The following AGMO variants were observed in gnomAD, a reference collection of about 807,000 sequenced individuals.
AGMO encodes the protein alkylglycerol monooxygenase, also known as glyceryl-ether monooxygenase.
Under a neutral mutation model 60.2 loss-of-function variants are expected in AGMO, and 75 were observed. That is an observed-to-expected ratio of 1.25 (90% CI 1.03 to 1.51). AGMO has a LOEUF of 1.51. Among genes scored for constraint, AGMO ranks in the 40% most tolerant of loss-of-function variants. The pLI is 0.00. For missense variants in AGMO, 763 were observed against 525.5 expected (o/e 1.45, Z -4.42); for synonymous variants, 261 against 177.1 (o/e 1.47, Z -3.76).
chr7:15,151,641 C>A, the AGMO span, among the ~76,000 whole-genome samples: 1 of 152,016 alleles, frequency 6.6e-6, no homozygotes, highest in Non-Finnish European at 1.5e-5. Context: ...GTGTTGATTT[C>A]TATTTTCATT....
rs550132170 is a variant in AGMO, at chr7:15,515,059, G to A, written c.409+29713C>T. Among the ~76,000 whole-genome samples, 232 of 152,300 alleles carry A rather than the reference G, an allele frequency of 1.5e-3. 1 individual carries two copies. The highest frequency in any genetic ancestry group is 5.1e-3 in the African/African-American group (211 of 41,566). On this transcript the variant is annotated intron_variant, in intron 3 of 12. Transcript: ENST00000342526. ...TTTTCTCTCACCAATTGTCTGTTTAGGCACGGGAGGAAGTTAAACCCTAGA... is the reference window on the plus strand; with the variant it reads ...TTTTCTCTCACCAATTGTCTGTTTAAGCACGGGAGGAAGTTAAACCCTAGA...
chr7:15,387,246 G>A (rs1783953339), intron 9 of AGMO, among the ~76,000 whole-genome samples, 160 bp downstream of exon 9: 1 of 152,176 alleles, frequency 6.6e-6, no homozygotes, highest in African/African-American at 2.4e-5. Context: ...GCACAAAGTT[G>A]GTGGATACTC....
intron 12 of AGMO, among the ~76,000 whole-genome samples, chr7:15,224,532 C>T (rs991877516): frequency 1.3e-5 from 2 of 151,996 alleles, no homozygotes; most frequent in Admixed American, 1.3e-4. Flanking sequence ...GGGTCTTGGA[C>T]TTTCCAGCCC....
intron 10 of AGMO, among the ~76,000 whole-genome samples, chr7:15,377,908 C>A (rs774124739): frequency 1.3e-5 from 2 of 151,954 alleles, no homozygotes; most frequent in Non-Finnish European, 2.9e-5. Flanking sequence ...GTGGTTCATG[C>A]CACAGTTATA....
the AGMO span, among the ~76,000 whole-genome samples, chr7:15,154,028 GATCA>G: frequency 2.6e-5 from 4 of 152,046 alleles, no homozygotes; most frequent in Admixed American, 6.6e-5. Flanking sequence ...GTCCTAGCCA[GATCA>G]ATCAAACAAG....
chr7:15,487,375 T>G (rs1782951302), intron 3 of AGMO, among the ~76,000 whole-genome samples: 1 of 152,076 alleles, frequency 6.6e-6, no homozygotes. Flanking sequence ...TATAACCTCC[T>G]TGTGCTGGCA....
chr7:15,191,426 A>C, the AGMO span, among the ~76,000 whole-genome samples: 1 of 152,302 alleles, frequency 6.6e-6, no homozygotes, highest in African/African-American at 2.4e-5. Context: ...ACTTCAGTCT[A>C]AGATGGGCCT....
At chr7:15,455,315 C>G (rs1781973413) in intron 3 of AGMO, among the ~76,000 whole-genome samples, 1 of 152,094 alleles carries the variant, frequency 6.6e-6, no homozygotes, top group Non-Finnish European at 1.5e-5. Context: ...TTCCCAAATT[C>G]TGCTGCAGAA....
chr7:15,360,193 A>C (rs888889118), intron 12 of AGMO, among the ~76,000 whole-genome samples: 5 of 152,236 alleles, frequency 3.3e-5, no homozygotes, highest in Non-Finnish European at 5.9e-5. Flanking sequence ...AAATGAAAGC[A>C]GACAGAGGTA....
In AGMO at chr7:15,271,282, G is replaced by C. The variant is rs1430891938; in HGVS notation, c.1264-69923C>G. Reference sequence around the variant, plus strand: ...GCAGTATGGTCATTTTAACGATATTGATTCTTCCATCCCATCATATGGGAT... The same window carrying C: ...GCAGTATGGTCATTTTAACGATATTCATTCTTCCATCCCATCATATGGGAT... On this transcript the variant is annotated intron_variant, in intron 12 of 12. Transcript: ENST00000342526. 2.0e-5 allele frequency among the ~76,000 whole-genome samples: 3 copies of C among 152,086 alleles called. No individual in the cohort carries two copies. In the East Asian group the frequency reaches 5.8e-4, roughly 29 times the overall value.
chr7:15,300,487 A>C (rs1784534403), intron 12 of AGMO, among the ~76,000 whole-genome samples: 1 of 152,148 alleles, frequency 6.6e-6, no homozygotes, highest in African/African-American at 2.4e-5. Flanking sequence ...TTGTTATTTA[A>C]TTAAGGTGAA....
chr7:15,449,366 A>G (rs11972622), intron 3 of AGMO, among the ~76,000 whole-genome samples: 94,437 of 151,432 alleles, frequency 0.62, 30,076 homozygotes, highest in Non-Finnish European at 0.69. Context: ...CTCTCTGTAC[A>G]TGTATAAACA....
chr7:15,204,162 A>C (rs1348329143), intron 12 of AGMO, among the ~76,000 whole-genome samples: 3 of 152,116 alleles, frequency 2.0e-5, no homozygotes, highest in African/African-American at 7.2e-5. Context: ...TTTATATATA[A>C]ATATTACATA....
At chr7:15,253,092 C>T (rs752826207) in intron 12 of AGMO, among the ~76,000 whole-genome samples, 2 of 152,068 alleles carry the variant, frequency 1.3e-5, no homozygotes. Flanking sequence ...GATTCATTTG[C>T]TATTGTAGAT....
intron 12 of AGMO, among the ~76,000 whole-genome samples, chr7:15,224,273 G>A (rs530073385): frequency 3.3e-4 from 50 of 152,096 alleles, no homozygotes; most frequent in African/African-American, 9.9e-4. Context: ...GAATATTTGT[G>A]TCCACCCTCA....
At chr7:15,440,612 G>C (rs1253346571) in intron 3 of AGMO, among the ~76,000 whole-genome samples, 2 of 152,126 alleles carry the variant, frequency 1.3e-5, no homozygotes, top group Admixed American at 6.5e-5. Flanking sequence ...TGGTGCTCAT[G>C]GTTTCACCTA....
At chr7:15,497,251 T>TA (rs1783257437) in intron 3 of AGMO, among the ~76,000 whole-genome samples, 1 of 152,080 alleles carries the variant, frequency 6.6e-6, no homozygotes. Flanking sequence ...AGGTTATATA[T>TA]TTTGGTAAGG....
intron 12 of AGMO, among the ~76,000 whole-genome samples, chr7:15,362,311 G>T (rs1418687347): frequency 1.3e-5 from 2 of 152,004 alleles, no homozygotes; most frequent in Non-Finnish European, 2.9e-5. Flanking sequence ...AAGTGGAAAG[G>T]CTACTTTCCA....
intron 12 of AGMO, among the ~76,000 whole-genome samples, chr7:15,318,468 GT>G (rs1265074733): frequency 6.6e-6 from 1 of 152,084 alleles, no homozygotes; most frequent in Non-Finnish European, 1.5e-5. Flanking sequence ...AGATAAAAAT[GT>G]CTTACTGATC....
Sources: allele counts gnomAD v4.1 joint callset (sites outside exome capture counted in the v4.1 genomes callset), GRCh38; gene constraint gnomAD v4.1.1; transcripts MANE v1.5; gene names NCBI Gene and HGNC (gene_info 2026-07-23, HGNC 2026-07-21).